Variants in BBOX1 observed in about 807,000 individuals in gnomAD.
BBOX1 encodes gamma-butyrobetaine hydroxylase 1.
BBOX1 carries 35 observed loss-of-function variants against 41.6 expected under a neutral mutation model. The observed-to-expected ratio is 0.84, with a 90% CI of 0.64 to 1.11. The LOEUF (loss-of-function observed/expected upper bound fraction) is 1.11. Ranked by LOEUF, BBOX1 falls within the 50% of genes most tolerant of loss-of-function variation. The pLI is 0.00. For synonymous variants in BBOX1, 163 were observed against 154.7 expected, an observed-to-expected ratio of 1.05 and a Z score of -0.40; for missense variants, 458 against 460.6, an observed-to-expected ratio of 0.99 and a Z score of 0.05.
chr11:27,073,926 A>AG (rs1564964737), intron 4 of BBOX1, among the ~76,000 whole-genome samples: 1 of 148,710 alleles, frequency 6.7e-6, no homozygotes, highest in East Asian at 2.1e-4. Flanking sequence ...GGTGGGGGTA[A>AG]GGGGGAGGGA....
intron 2 of BBOX1, among the ~76,000 whole-genome samples, chr11:27,042,493 T>C (rs922338622): frequency 2.6e-5 from 4 of 152,136 alleles, no homozygotes; most frequent in Non-Finnish European, 5.9e-5. Context: ...ACTCAGAGTA[T>C]GTGTATGCAC....
intron 4 of BBOX1, among the ~76,000 whole-genome samples, chr11:27,058,862 G>C (rs549186986): frequency 6.6e-6 from 1 of 152,314 alleles, no homozygotes; most frequent in South Asian, 2.1e-4. Flanking sequence ...GGAAAGCAGA[G>C]TGTAAAAGTT....
chr11:27,093,149 T>A lies in BBOX1; in HGVS notation c.335-19T>A, dbSNP rs992355276. 6.2e-7 allele frequency: 1 copy of A among 1,607,866 alleles called. No individual in the cohort carries two copies. Among genetic ancestry groups the A allele is most frequent in the African/African-American group, 1.3e-5 (1 of 74,646 alleles). On this transcript the variant is annotated intron_variant, in intron 4 of 8. Coordinates refer to ENST00000263182, the MANE Select transcript of BBOX1 (RefSeq NM_003986.3). ...AAGAATGTAATCCCATCTGATTTCT[T>A]CATTTTATCAATTCACAGAATGCCA...
rs916483722 is a variant in BBOX1 at position 27,098,973 on chromosome 11, C to T, written c.533+5607C>T. Among the ~76,000 whole-genome samples, 8 of 151,816 alleles carry T rather than the reference C, an allele frequency of 5.3e-5. No individual in the cohort carries two copies. The South Asian group carries it at 6.2e-4, about 12-fold the overall frequency. On this transcript the variant is annotated intron_variant, in intron 5 of 8. Coordinates refer to ENST00000263182, the MANE Select transcript of BBOX1 (RefSeq NM_003986.3). ...GCATAAATGGTGGCGTAATCAAGGT[C>T]GTATCTTTACTGTTAACTCAGCACC...
At chr11:27,088,934 T>C (rs117544532) in intron 4 of BBOX1, among the ~76,000 whole-genome samples, 1 of 152,164 alleles carries the variant, frequency 6.6e-6, no homozygotes, top group African/African-American at 2.4e-5. Flanking sequence ...ATTGATACTA[T>C]GGATCTTCTA....
intron 4 of BBOX1, among the ~76,000 whole-genome samples, chr11:27,059,155 C>A (rs946503300): frequency 7.9e-5 from 12 of 151,830 alleles, no homozygotes; most frequent in Non-Finnish European, 1.2e-4. Flanking sequence ...GCTCCCACAT[C>A]CCAGCTGCTC....
intron 4 of BBOX1, among the ~76,000 whole-genome samples, chr11:27,061,567 C>T (rs138416288): frequency 1.3e-3 from 199 of 152,270 alleles, no homozygotes; most frequent in African/African-American, 4.6e-3. Flanking sequence ...AGCATGCAAA[C>T]AAACTCAGTT....
At chr11:27,093,400 C>G in intron 5 of BBOX1, 34 bp downstream of exon 5, 1 of 1,602,342 alleles carries the variant, frequency 6.2e-7, no homozygotes, top group Non-Finnish European at 8.5e-7. Context: ...TCTGCCATCA[C>G]AGATAAGGTT....
chr11:27,062,200 G>C (rs763246531), intron 4 of BBOX1, among the ~76,000 whole-genome samples: 9 of 152,136 alleles, frequency 5.9e-5, no homozygotes, highest in Admixed American at 2.0e-4. Context: ...TAAAATAGTA[G>C]GATAGGTTTG....
chr11:27,042,364 T>A (rs1203187140), intron 2 of BBOX1, among the ~76,000 whole-genome samples: 4 of 152,200 alleles, frequency 2.6e-5, no homozygotes, highest in Non-Finnish European at 5.9e-5. Flanking sequence ...TTGTTGTTAT[T>A]GTTGCTGAGA....
At chr11:27,056,122 A>G (rs530891943) in intron 3 of BBOX1, among the ~76,000 whole-genome samples, 2 of 152,336 alleles carry the variant, frequency 1.3e-5, no homozygotes, top group African/African-American at 4.8e-5. Context: ...GAAAAAAATG[A>G]GAATAATAGT....
chr11:27,071,383 A>G (rs1283615980), intron 4 of BBOX1, among the ~76,000 whole-genome samples: 2 of 150,130 alleles, frequency 1.3e-5, no homozygotes, highest in Non-Finnish European at 3.0e-5. Flanking sequence ...CTCCATCTCA[A>G]AAAAAAAAAA....
At chr11:27,090,235 G>C (rs1858196301) in intron 4 of BBOX1, among the ~76,000 whole-genome samples, 1 of 151,906 alleles carries the variant, frequency 6.6e-6, no homozygotes. Flanking sequence ...TTTCAACGTA[G>C]GTTCTTTCTA....
At chr11:27,107,466 A>T (rs985414067) in intron 5 of BBOX1, among the ~76,000 whole-genome samples, 1 of 152,142 alleles carries the variant, frequency 6.6e-6, no homozygotes, top group African/African-American at 2.4e-5. Flanking sequence ...CACTCACCCC[A>T]GCACAACAGT....
chr11:27,125,663 T>C lies in BBOX1; in HGVS notation c.846T>C (p.Asp282=). The C allele has an allele frequency of 1.3e-6, 2 of 1,556,404 alleles. No individual in the cohort carries two copies. Among genetic ancestry groups the C allele is most frequent in the Non-Finnish European group, 1.7e-6 (2 of 1,151,216 alleles). ...TCTCTTAATAAAACAGGTTAGATGA[T>C]AAAGGCCAAGTGGTTCGCATCAACT... The part of the protein sequence containing the change: ...QSKHKIIELD[D]KGQVVRINFN... The change falls in exon 8 of 9, where the codon GAT becomes GAC. Residue 282 remains aspartate, a synonymous_variant. Transcript: ENST00000263182.
chr11:27,120,432 C>T (rs568541650), intron 7 of BBOX1, among the ~76,000 whole-genome samples: 1 of 152,160 alleles, frequency 6.6e-6, no homozygotes, highest in South Asian at 2.1e-4. Flanking sequence ...TTCTGATTGT[C>T]CATGCCTGGA....
chr11:27,072,374 G>T (rs957902225), intron 4 of BBOX1, among the ~76,000 whole-genome samples: 2 of 152,076 alleles, frequency 1.3e-5, no homozygotes, highest in Non-Finnish European at 2.9e-5. Context: ...GGGACGTGAA[G>T]GACCTCTTCA....
At chr11:27,093,499 G>A in intron 5 of BBOX1, 133 bp downstream of exon 5, 1 of 965,566 alleles carries the variant, frequency 1.0e-6, no homozygotes, top group South Asian at 1.7e-5. Context: ...ATAAAAAGAA[G>A]AGTCTAAAAG....
rs535225775 is a variant in BBOX1 at position 27,116,141 on chromosome 11, A to G, written c.639+584A>G. Among the ~76,000 whole-genome samples the G allele has an allele frequency of 1.6e-4, 24 of 152,184 alleles. No homozygotes were observed. In the South Asian group the frequency reaches 4.6e-3, roughly 29 times the overall value. ...ATACGCCATAGAATACTATGCAGCCATAAGAAAGGATGAGTTCATGTCTTT... is the reference window on the plus strand; with the variant it reads ...ATACGCCATAGAATACTATGCAGCCGTAAGAAAGGATGAGTTCATGTCTTT... On this transcript the variant is annotated intron_variant, in intron 6 of 8. Transcript: ENST00000263182.
Sources: allele counts gnomAD v4.1 joint callset (sites outside exome capture counted in the v4.1 genomes callset), GRCh38; gene constraint gnomAD v4.1.1; transcripts MANE v1.5; gene names NCBI Gene and HGNC (gene_info 2026-07-23, HGNC 2026-07-21).